CASQ2: variants seen among roughly 807,000 people sequenced by gnomAD.
CASQ2 encodes the protein calsequestrin-2.
In CASQ2, 49 loss-of-function variants were observed where a neutral mutation model predicts 46.5. The observed-to-expected ratio is 1.05, with a 90% CI of 0.84 to 1.34. The LOEUF is 1.34. Ranked by LOEUF, CASQ2 falls within the 40% of genes most tolerant of loss-of-function variation. The probability of loss-of-function intolerance (pLI) is 0.00; values close to 1 mark genes in which losing one functional copy is unlikely to be tolerated. For synonymous variants in CASQ2, 174 were observed against 168.5 expected (o/e 1.03, Z -0.25); for missense variants, 486 against 481.3 (o/e 1.01, Z -0.09).
chr1:115,719,643 G>A (rs755432373), intron 7 of CASQ2, among the ~76,000 whole-genome samples: 45 of 152,198 alleles, frequency 3.0e-4, no homozygotes, highest in Non-Finnish European at 6.0e-4. Context: ...CCACAAGGAA[G>A]CAGGCCAGCG....
At chr1:115,701,854 T>C (rs1248867083) in intron 10 of CASQ2, among the ~76,000 whole-genome samples, 4 of 152,232 alleles carry the variant, frequency 2.6e-5, no homozygotes, top group African/African-American at 9.6e-5. Flanking sequence ...AATAAATGAA[T>C]GTAGAGTTCC....
chr1:115,713,241 ACAGT>A (rs1185616168), intron 8 of CASQ2, among the ~76,000 whole-genome samples: 2 of 152,212 alleles, frequency 1.3e-5, no homozygotes, highest in African/African-American at 2.4e-5. Flanking sequence ...GGTGAGGAAG[ACAGT>A]CATTCATTTT....
Position 115,726,987 on chromosome 1 carries a change from G to A in CASQ2, c.737+5C>T. 1.3e-6 allele frequency: 2 copies of A among 1,485,126 alleles called. No homozygotes were observed. Among genetic ancestry groups the A allele is most frequent in the Non-Finnish European group, 1.8e-6 (2 of 1,091,678 alleles). The allele number at this position is 1,485,126 out of a possible 1,614,324, so 92.0% of individuals were successfully genotyped here. On this transcript the variant is annotated splice_donor_5th_base_variant and intron_variant, in intron 6 of 10. Transcript: ENST00000261448. Reference sequence around the variant, plus strand: ...CCCCCAGCCCCCACATGCCATCTCAGGCACCTTTGGTGTTCCTTCACAAAC... The same window carrying A: ...CCCCCAGCCCCCACATGCCATCTCAAGCACCTTTGGTGTTCCTTCACAAAC...
intron 5 of CASQ2, among the ~76,000 whole-genome samples, chr1:115,730,267 A>G (rs1647740982): frequency 6.6e-6 from 1 of 152,230 alleles, no homozygotes; most frequent in Non-Finnish European, 1.5e-5. Flanking sequence ...GTTGGGAACT[A>G]CTGACTGACA....
intron 8 of CASQ2, 27 bp from the exon 9 acceptor site, chr1:115,705,319 T>G: frequency 1.3e-4 from 176 of 1,345,624 alleles, no homozygotes; most frequent in Non-Finnish European, 1.7e-4. Context: ...GAGAGTTGAG[T>G]AACCCCTGCA....
intron 8 of CASQ2, among the ~76,000 whole-genome samples, chr1:115,707,381 C>G (rs6681214): frequency 0.63 from 95,446 of 151,974 alleles, 31,412 homozygotes; most frequent in African/African-American, 0.83. Context: ...GAGTGGACCT[C>G]GGTGATCTTT....
intron 3 of CASQ2, 116 bp downstream of exon 3, chr1:115,740,612 A>G (rs889380213): frequency 1.2e-5 from 9 of 722,018 alleles, no homozygotes; most frequent in Admixed American, 1.1e-4. Flanking sequence ...TGAATCCTGA[A>G]AAACCTGTCA....
chr1:115,764,755 G>A (rs1649077851), intron 1 of CASQ2, among the ~76,000 whole-genome samples: 1 of 152,186 alleles, frequency 6.6e-6, no homozygotes, highest in Non-Finnish European at 1.5e-5. Context: ...AGCAAAGTTT[G>A]AGTTTGCTGC....
At position 115,751,671 on chromosome 1, in the gene CASQ2, TAAAAA is replaced by T. The variant is rs10542263; in HGVS notation, c.235-6764_235-6760del. On this transcript the variant is annotated intron_variant, in intron 1 of 10. Coordinates refer to ENST00000261448, the MANE Select transcript of CASQ2 (RefSeq NM_001232.4). Reference sequence around the variant, plus strand: ...TGGGCAACAGAGTGAGCCTCCATCTTAAAAAAAAAAAAAATAGCTCTAGGTGCTAC... The same window carrying T: ...TGGGCAACAGAGTGAGCCTCCATCTTAAAAAAAAATAGCTCTAGGTGCTAC... Among the ~76,000 whole-genome samples the T allele has an allele frequency of 9.4e-5, 14 of 148,556 alleles. 1 individual carries two copies. The highest frequency in any genetic ancestry group is 2.0e-4 in the East Asian group (1 of 4,962).
intron 3 of CASQ2, among the ~76,000 whole-genome samples, chr1:115,739,928 G>A (rs188263673): frequency 8.3e-4 from 126 of 152,294 alleles, no homozygotes; most frequent in African/African-American, 2.9e-3. Flanking sequence ...AACTTTTTTA[G>A]GGCATGTGGG....
At chr1:115,740,058 A>G (rs1648126345) in intron 3 of CASQ2, among the ~76,000 whole-genome samples, 2 of 152,228 alleles carry the variant, frequency 1.3e-5, no homozygotes, top group South Asian at 4.1e-4. Context: ...AGAAAGAATG[A>G]TAGACCACTG....
intron 2 of CASQ2, among the ~76,000 whole-genome samples, chr1:115,743,901 C>A (rs1402795758): frequency 2.0e-5 from 3 of 151,762 alleles, no homozygotes; most frequent in Non-Finnish European, 4.4e-5. Flanking sequence ...TTTTGGGAGG[C>A]TGAGGCAGGC....
chr1:115,722,580 C>T (rs1314402623), intron 7 of CASQ2, among the ~76,000 whole-genome samples: 1 of 152,030 alleles, frequency 6.6e-6, no homozygotes, highest in African/African-American at 2.4e-5. Context: ...CCCTCCCTTC[C>T]TAGAACCTAG....
chr1:115,706,367 A>C (rs1654363587), intron 8 of CASQ2, among the ~76,000 whole-genome samples: 1 of 152,172 alleles, frequency 6.6e-6, no homozygotes, highest in African/African-American at 2.4e-5. Context: ...AGAACCCCCT[A>C]GTATAGGAGC....
intron 4 of CASQ2, among the ~76,000 whole-genome samples, chr1:115,735,508 A>C (rs1378739078): frequency 6.6e-6 from 1 of 152,228 alleles, no homozygotes; most frequent in East Asian, 1.9e-4. Flanking sequence ...GAAATATATA[A>C]TGTACTAACA....
At chr1:115,765,426 A>G (rs1202146753) in intron 1 of CASQ2, among the ~76,000 whole-genome samples, 3 of 152,150 alleles carry the variant, frequency 2.0e-5, no homozygotes, top group Admixed American at 1.3e-4. Flanking sequence ...GGAGTTTCTT[A>G]GAATGAATGG....
At chr1:115,744,567 T>C (rs1648316893) in intron 2 of CASQ2, among the ~76,000 whole-genome samples, 1 of 152,216 alleles carries the variant, frequency 6.6e-6, no homozygotes, top group African/African-American at 2.4e-5. Context: ...CTTGACTCTT[T>C]AGCATCAATT....
chr1:115,743,209 A>G (rs866708632), intron 2 of CASQ2, among the ~76,000 whole-genome samples: 15 of 54,208 alleles, frequency 2.8e-4, no homozygotes, highest in Admixed American at 1.3e-3. Context: ...TTATTTATTT[A>G]TTTATTTATT....
At chr1:115,717,013 T>C (rs546047911) in intron 8 of CASQ2, among the ~76,000 whole-genome samples, 10 of 152,304 alleles carry the variant, frequency 6.6e-5, no homozygotes, top group African/African-American at 2.2e-4. Flanking sequence ...CCACTTGGTA[T>C]GAGTTCTCAC....
Sources: gnomAD v4.1 joint callset for allele counts (sites outside exome capture counted in the v4.1 genomes callset) on GRCh38, gnomAD v4.1.1 for gene constraint, MANE v1.5 for transcripts, NCBI Gene and HGNC (gene_info 2026-07-23, HGNC 2026-07-21) for gene names.